The following SOX5 variants were observed in gnomAD, a reference collection of about 807,000 sequenced individuals.
SOX5 encodes the protein SRY-box transcription factor 5, also known as transcription factor SOX-5.
In SOX5, 9 loss-of-function variants were observed where a neutral mutation model predicts 92.0. That is an observed-to-expected ratio of 0.10 (90% CI 0.06 to 0.17). The LOEUF (loss-of-function observed/expected upper bound fraction) is 0.17. SOX5 is among the 10% of genes least tolerant of loss of function. SOX5 has a pLI of 1.00. For synonymous variants in SOX5, 344 were observed against 336.3 expected (o/e 1.02, Z -0.25); for missense variants, 642 against 944.5 (o/e 0.68, Z 4.20).
upstream of SOX5, among the ~76,000 whole-genome samples, chr12:23,953,047 T>C (rs991309721): frequency 3.3e-5 from 5 of 152,190 alleles, no homozygotes; most frequent in African/African-American, 9.6e-5. Context: ...ATAAAAGCTG[T>C]CATTAAGCTA....
In SOX5 at chr12:23,915,548, C is replaced by G. The variant is rs74465800; in HGVS notation, c.39-19524G>C. Among the ~76,000 whole-genome samples, 4 of 152,192 alleles carry G rather than the reference C, an allele frequency of 2.6e-5. No individual in the cohort carries two copies. In the South Asian group the frequency reaches 6.2e-4, roughly 24 times the overall value. ...TGAAGCATCCTGGGCCTTCAAATAA[C>G]GTTAGTTTCAATTAAGTTTAAAACA... On this transcript the variant is annotated intron_variant, in intron 1 of 14. Transcript: ENST00000451604.
intron 6 of SOX5, among the ~76,000 whole-genome samples, chr12:23,674,274 G>C (rs1176563627): frequency 6.8e-6 from 1 of 147,462 alleles, no homozygotes; most frequent in African/African-American, 2.5e-5. Flanking sequence ...TGCTGATTCA[G>C]ATAAAGAGCA....
At chr12:24,179,073 GT>G (rs1243473303) in intron 4 of SOX5, among the ~76,000 whole-genome samples, 2 of 152,168 alleles carry the variant, frequency 1.3e-5, no homozygotes, top group Non-Finnish European at 2.9e-5. Context: ...CAGCGGGCTT[GT>G]TACCTCTAAT....
At chr12:24,408,165 A>G (rs1215941152) in intron 1 of SOX5, among the ~76,000 whole-genome samples, 2 of 152,186 alleles carry the variant, frequency 1.3e-5, no homozygotes, top group Non-Finnish European at 2.9e-5. Flanking sequence ...CGACTGCCAT[A>G]TGATTATCTG....
chr12:24,164,909 TA>T (rs1953213933), intron 4 of SOX5, among the ~76,000 whole-genome samples: 1 of 152,104 alleles, frequency 6.6e-6, no homozygotes. Context: ...CTCATTATTT[TA>T]CAAGAAGGTA....
chr12:24,224,708 G>A (rs562912864), intron 3 of SOX5, among the ~76,000 whole-genome samples: 85 of 152,126 alleles, frequency 5.6e-4, no homozygotes, highest in Middle Eastern at 3.4e-3. Flanking sequence ...TGCCTTCTTT[G>A]GCTGGGAGTA....
At chr12:23,536,287 T>C (rs1041120892) in intron 14 of SOX5, among the ~76,000 whole-genome samples, 166 bp downstream of exon 14, 19 of 152,250 alleles carry the variant, frequency 1.2e-4, no homozygotes, top group African/African-American at 4.6e-4. Flanking sequence ...TGGATTCATA[T>C]GGACATATTT....
intron 3 of SOX5, among the ~76,000 whole-genome samples, chr12:24,233,312 A>C (rs932483358): frequency 9.9e-5 from 15 of 152,236 alleles, no homozygotes; most frequent in African/African-American, 3.6e-4. Context: ...GCACACCAAG[A>C]AAAGCTAATC....
chr12:24,455,199 AAC>A (rs1315488122), intron 1 of SOX5, among the ~76,000 whole-genome samples: 1 of 152,218 alleles, frequency 6.6e-6, no homozygotes, highest in Non-Finnish European at 1.5e-5. Flanking sequence ...GCACAGGAGA[AAC>A]ACATAGTCCT....
chr12:23,942,823 T>G (rs1943912258), intron 1 of SOX5, among the ~76,000 whole-genome samples: 4 of 152,000 alleles, frequency 2.6e-5, no homozygotes, highest in Admixed American at 2.0e-4. Flanking sequence ...ATCTCCACAA[T>G]GAGAAATATT....
At chr12:24,170,379 C>T (rs1953948108) in intron 4 of SOX5, among the ~76,000 whole-genome samples, 1 of 152,180 alleles carries the variant, frequency 6.6e-6, no homozygotes, top group African/African-American at 2.4e-5. Context: ...CTTGTGAACA[C>T]TCATGAGACC....
At chr12:24,147,166 C>T (rs1565531490) in intron 4 of SOX5, among the ~76,000 whole-genome samples, 1 of 152,118 alleles carries the variant, frequency 6.6e-6, no homozygotes, top group Non-Finnish European at 1.5e-5. Flanking sequence ...ACCAAATAAA[C>T]ATTTTACAAG....
rs147935242 is a variant in SOX5 at position 24,558,938 on chromosome 12, T to C, written c.-251+3391A>G. Among the ~76,000 whole-genome samples the C allele has an allele frequency of 2.0e-4, 30 of 152,294 alleles. No individual in the cohort carries two copies. In the East Asian group the frequency reaches 5.2e-3, roughly 26 times the overall value. ...CATTTGGAACAGTTTATTTACAGAG[T>C]TGTTTAGACAGTTTTGTGTGGTGTT... is the stretch of plus-strand genomic sequence containing the variant. On this transcript the variant is annotated intron_variant, in intron 1 of 4. Transcript: ENST00000446891.
At chr12:23,918,206 A>G (rs1372223697) in intron 1 of SOX5, among the ~76,000 whole-genome samples, 2 of 152,160 alleles carry the variant, frequency 1.3e-5, no homozygotes, top group East Asian at 1.9e-4. Flanking sequence ...CAACTGTAAT[A>G]TTTTCCTTAA....
At chr12:24,066,209 A>C (rs747181689) in intron 4 of SOX5, among the ~76,000 whole-genome samples, 5 of 152,204 alleles carry the variant, frequency 3.3e-5, no homozygotes, top group Admixed American at 6.5e-5. Context: ...GTTGATATAG[A>C]AGGCTGATAC....
At chr12:24,494,127 G>A (rs567826566) in intron 1 of SOX5, among the ~76,000 whole-genome samples, 77 of 152,186 alleles carry the variant, frequency 5.1e-4, no homozygotes, top group African/African-American at 1.8e-3. Context: ...AAAATGTCTG[G>A]GTAAATCACA....
chr12:23,709,371 T>C (rs538369029), intron 6 of SOX5, among the ~76,000 whole-genome samples: 2 of 152,204 alleles, frequency 1.3e-5, no homozygotes, highest in South Asian at 4.1e-4. Flanking sequence ...TCCCAGTGTG[T>C]TGGGATTACA....
intron 4 of SOX5, among the ~76,000 whole-genome samples, chr12:24,098,472 C>T (rs934228965): frequency 3.3e-5 from 5 of 152,112 alleles, no homozygotes; most frequent in Admixed American, 1.3e-4. Context: ...TTGATTTACC[C>T]GCCCTTGCCC....
At chr12:23,789,756 A>G (rs1179336492) in intron 3 of SOX5, among the ~76,000 whole-genome samples, 1 of 152,182 alleles carries the variant, frequency 6.6e-6, no homozygotes, top group African/African-American at 2.4e-5. Flanking sequence ...ACACAAAATT[A>G]CTTTTACTGC....
Sources: allele counts gnomAD v4.1 joint callset (sites outside exome capture counted in the v4.1 genomes callset), GRCh38; gene constraint gnomAD v4.1.1; transcripts MANE v1.5; gene names NCBI Gene and HGNC (gene_info 2026-07-23, HGNC 2026-07-21).